CDKAL1: variants seen among roughly 807,000 people sequenced by gnomAD.
The protein encoded by CDKAL1 is CDKAL1 threonylcarbamoyladenosine tRNA methylthiotransferase.
In CDKAL1, 32 loss-of-function variants were observed where a neutral mutation model predicts 68.2. The observed-to-expected ratio is 0.47, with a 90% CI of 0.35 to 0.63. CDKAL1 has a LOEUF of 0.63. Among genes scored for constraint, CDKAL1 ranks in the 30% least tolerant of loss-of-function variants. CDKAL1 has a pLI of 0.00. For synonymous variants in CDKAL1, 234 were observed against 244.3 expected, an observed-to-expected ratio of 0.96 and a Z score of 0.39; for missense variants, 606 against 696.7, an observed-to-expected ratio of 0.87 and a Z score of 1.47.
intron 4 of CDKAL1, among the ~76,000 whole-genome samples, chr6:20,555,696 C>A (rs555481104): frequency 7.1e-6 from 1 of 139,972 alleles, no homozygotes; most frequent in African/African-American, 2.7e-5. Context: ...TATCTTAGCT[C>A]GCTGCAAGCT....
At chr6:20,835,268 GTTTAT>G (rs373987702) in intron 8 of CDKAL1, among the ~76,000 whole-genome samples, 132 of 152,180 alleles carry the variant, frequency 8.7e-4, no homozygotes, top group African/African-American at 3.1e-3. Context: ...AATATGTACA[GTTTAT>G]TTTGTGTCAA....
intron 5 of CDKAL1, among the ~76,000 whole-genome samples, chr6:20,710,277 T>C (rs550979551): frequency 6.6e-6 from 1 of 152,302 alleles, no homozygotes; most frequent in East Asian, 1.9e-4. Flanking sequence ...TGTCCCATGA[T>C]CCCGTGATGT....
chr6:20,942,475 C>G (rs1764025201), intron 9 of CDKAL1, among the ~76,000 whole-genome samples: 1 of 149,730 alleles, frequency 6.7e-6, no homozygotes, highest in Non-Finnish European at 1.5e-5. Flanking sequence ...TCAAGCGATT[C>G]TCCTGCCGCA....
intron 5 of CDKAL1, among the ~76,000 whole-genome samples, chr6:20,720,594 C>T (rs1406119837): frequency 1.3e-5 from 2 of 150,642 alleles, no homozygotes; most frequent in Non-Finnish European, 3.0e-5. Context: ...GCAACCTTTA[C>T]CTCCTGGGCT....
intron 12 of CDKAL1, among the ~76,000 whole-genome samples, chr6:21,081,875 G>A (rs1050891553): frequency 1.3e-5 from 2 of 152,062 alleles, no homozygotes; most frequent in Non-Finnish European, 2.9e-5. Flanking sequence ...ACTGTGCCCA[G>A]CCAATATACC....
At chr6:20,907,465 A>G (rs1377558408) in intron 9 of CDKAL1, among the ~76,000 whole-genome samples, 1 of 152,242 alleles carries the variant, frequency 6.6e-6, no homozygotes, top group Non-Finnish European at 1.5e-5. Flanking sequence ...TGTTATATGG[A>G]ACATAACGTT....
At chr6:20,882,138 C>T (rs1383241618) in intron 9 of CDKAL1, among the ~76,000 whole-genome samples, 1 of 152,184 alleles carries the variant, frequency 6.6e-6, no homozygotes, top group East Asian at 1.9e-4. Context: ...GAAGGACTCT[C>T]TGACCTTCCT....
At chr6:21,000,657 G>A (rs1051839875) in intron 11 of CDKAL1, among the ~76,000 whole-genome samples, 1 of 152,176 alleles carries the variant, frequency 6.6e-6, no homozygotes, top group Admixed American at 6.5e-5. Flanking sequence ...CTGACCTGGT[G>A]GATGAAAACT....
intron 5 of CDKAL1, among the ~76,000 whole-genome samples, chr6:20,706,060 C>T (rs141279029): frequency 2.0e-4 from 31 of 152,172 alleles, no homozygotes; most frequent in African/African-American, 7.2e-4. Context: ...TGATGAGGGC[C>T]GTCCTTGACC....
At chr6:20,663,503 G>A (rs1291182472) in intron 5 of CDKAL1, among the ~76,000 whole-genome samples, 3 of 152,050 alleles carry the variant, frequency 2.0e-5, no homozygotes, top group Non-Finnish European at 4.4e-5. Flanking sequence ...TAGTTGACAT[G>A]TAAGAACTTT....
At chr6:20,856,593 C>G (rs555566323) in intron 9 of CDKAL1, among the ~76,000 whole-genome samples, 1 of 152,344 alleles carries the variant, frequency 6.6e-6, no homozygotes, top group East Asian at 1.9e-4. Flanking sequence ...TAGTTCCACA[C>G]TTACAGTTAT....
Position 20,846,009 on chromosome 6 carries a change from A to G in CDKAL1, c.639-66A>G, listed in dbSNP as rs763212986. ...AGCACTTTTGTGTATGTTTTGAGGT[A>G]TCCCCATGTTAAGTATATGCTATCT... On this transcript the variant is annotated intron_variant, in intron 8 of 15. Transcript: ENST00000274695. The G allele has an allele frequency of 5.9e-4, 557 of 942,996 alleles. 1 individual carries two copies. The highest frequency in any genetic ancestry group is 8.7e-4 in the Non-Finnish European group (520 of 599,704). 58.4% of individuals were successfully genotyped at this position (942,996 alleles called of 1,614,324 possible).
chr6:20,894,390 A>ATTTT (rs1761563579), intron 9 of CDKAL1, among the ~76,000 whole-genome samples: 1 of 58,654 alleles, frequency 1.7e-5, no homozygotes, highest in Non-Finnish European at 3.9e-5. Context: ...CACCCCACAT[A>ATTTT]CTTTTTTTTT....
chr6:20,943,267 T>C (rs1368093789), intron 9 of CDKAL1, among the ~76,000 whole-genome samples: 1 of 144,914 alleles, frequency 6.9e-6, no homozygotes, highest in African/African-American at 2.6e-5. Context: ...TGTTCTTGTA[T>C]ACAATATTGC....
intron 9 of CDKAL1, among the ~76,000 whole-genome samples, chr6:20,864,293 T>C (rs1282871069): frequency 7.2e-5 from 11 of 152,178 alleles, no homozygotes; most frequent in Admixed American, 2.0e-4. Context: ...ATTGTGTTTC[T>C]AGACTTAAAA....
intron 11 of CDKAL1, among the ~76,000 whole-genome samples, chr6:21,059,625 C>T (rs932843379): frequency 2.0e-5 from 3 of 152,136 alleles, no homozygotes; most frequent in African/African-American, 7.2e-5. Context: ...GTTGCGCCAA[C>T]CACCTAGTCA....
intron 5 of CDKAL1, among the ~76,000 whole-genome samples, chr6:20,672,736 T>A (rs1273111075): frequency 6.6e-6 from 1 of 152,148 alleles, no homozygotes; most frequent in Admixed American, 6.5e-5. Context: ...TCTGTGTAAC[T>A]CCATGAAAAA....
chr6:20,588,086 G>A (rs1581774084), intron 4 of CDKAL1, among the ~76,000 whole-genome samples: 1 of 152,280 alleles, frequency 6.6e-6, no homozygotes, highest in African/African-American at 2.4e-5. Context: ...GACAGAGCAA[G>A]ACCCTGCCTC....
At chr6:21,219,481 A>T (rs1172161164) in intron 15 of CDKAL1, among the ~76,000 whole-genome samples, 1 of 152,206 alleles carries the variant, frequency 6.6e-6, no homozygotes, top group Non-Finnish European at 1.5e-5. Flanking sequence ...ATGGAGGACC[A>T]ATTGTATAAA....
Sources: gnomAD v4.1 joint callset for allele counts (sites outside exome capture counted in the v4.1 genomes callset) on GRCh38, gnomAD v4.1.1 for gene constraint, MANE v1.5 for transcripts, NCBI Gene and HGNC (gene_info 2026-07-23, HGNC 2026-07-21) for gene names.